NADSYN1: variants seen among roughly 807,000 people sequenced by gnomAD.
NADSYN1 encodes glutamine-dependent NAD(+) synthetase.
Under a neutral mutation model 99.3 loss-of-function variants are expected in NADSYN1, and 80 were observed. The observed-to-expected ratio is 0.81, with a 90% CI of 0.67 to 0.97. The LOEUF is 0.97. NADSYN1 is among the 50% of genes least tolerant of loss of function. NADSYN1 has a pLI of 0.00. For synonymous variants in NADSYN1, 385 were observed against 372.1 expected (o/e 1.03, Z -0.40); for missense variants, 859 against 948.5 (o/e 0.91, Z 1.24).
In NADSYN1 at chr11:71,457,216, C is replaced by T. The variant is rs558707676; in HGVS notation, c.147-1212C>T. 9.1e-4 allele frequency among the ~76,000 whole-genome samples: 139 copies of T among 152,394 alleles called. 1 individual carries two copies. Among genetic ancestry groups the T allele is most frequent in the African/African-American group, 3.2e-3 (135 of 41,598 alleles). On this transcript the variant is annotated intron_variant, in intron 2 of 20. Coordinates refer to ENST00000319023, the MANE Select transcript of NADSYN1 (RefSeq NM_018161.5). ...AACGGATCCGTTGGAGGAGAAAGGA[C>T]ATCTCAGAACTCCATTCCCTACTGG...
chr11:71,453,654 C>T (rs1182585109), intron 1 of NADSYN1, among the ~76,000 whole-genome samples: 1 of 152,156 alleles, frequency 6.6e-6, no homozygotes, highest in African/African-American at 2.4e-5. Context: ...GGGATGGACC[C>T]GTGTTCTGAT....
At chr11:71,453,443 A>C in intron 1 of NADSYN1, 62 bp downstream of exon 1, 1 of 1,469,038 alleles carries the variant, frequency 6.8e-7, no homozygotes, top group East Asian at 2.4e-5. Context: ...GGCTGGGCCC[A>C]GGCTTGCCCG....
intron 9 of NADSYN1, chr11:71,474,816 A>G (rs1268542095): frequency 4.9e-6 from 2 of 405,088 alleles, no homozygotes; most frequent in Non-Finnish European, 9.4e-6. Flanking sequence ...CCTCAAATTT[A>G]CCTGGTTGGT....
chr11:71,467,462 C>T (rs1046710557), intron 5 of NADSYN1, among the ~76,000 whole-genome samples: 4 of 152,138 alleles, frequency 2.6e-5, no homozygotes, highest in Admixed American at 6.5e-5. Context: ...ATACAGTAGA[C>T]GCAGATGTGA....
At chr11:71,470,504 CAT>C (rs1211091326) in intron 5 of NADSYN1, among the ~76,000 whole-genome samples, 1 of 152,198 alleles carries the variant, frequency 6.6e-6, no homozygotes, top group Admixed American at 6.5e-5. Flanking sequence ...TTTAATTACA[CAT>C]GTGTGCCTTG....
chr11:71,495,943 C>T (rs1949815892), intron 18 of NADSYN1, among the ~76,000 whole-genome samples: 1 of 152,186 alleles, frequency 6.6e-6, no homozygotes, highest in African/African-American at 2.4e-5. Context: ...AAAATCGGCT[C>T]CTCTGAGCCT....
chr11:71,501,593 G>T lies in NADSYN1; in HGVS notation c.*241G>T. 3.8e-6 allele frequency: 2 copies of T among 526,558 alleles called. No individual in the cohort carries two copies. The highest frequency in any genetic ancestry group is 6.4e-5 in the East Asian group (2 of 31,166). The allele number at this position is 526,558 out of a possible 1,614,324, so 32.6% of individuals were successfully genotyped here. A position where few individuals can be genotyped will look rare whatever the true frequency, so the allele number is the denominator to read the frequency against. ...ACCTCCCGCCAGCGTGCGCTTCCCC[G>T]CGAAGTCTGGCATTCTCCGAAGGAA... On this transcript the variant is annotated 3_prime_UTR_variant, in exon 21 of 21. Transcript: ENST00000319023.
In NADSYN1 at chr11:71,478,016, G is replaced by A. The variant is rs535892479; in HGVS notation, c.799-379G>A. ...CTGGCAGAGGCTTACTGACACTGGG[G>A]TGTCTTACTGACAGGGGTGTGTCTT... On this transcript the variant is annotated intron_variant, in intron 9 of 20. Coordinates refer to ENST00000319023, the MANE Select transcript of NADSYN1 (RefSeq NM_018161.5). Among the ~76,000 whole-genome samples the A allele has an allele frequency of 2.6e-5, 4 of 152,052 alleles. No homozygotes were observed. The South Asian group carries it at 6.2e-4, about 24-fold the overall frequency.
At chr11:71,455,423 G>A (rs1949506867) in intron 2 of NADSYN1, 7 of 470,380 alleles carry the variant, frequency 1.5e-5, no homozygotes, top group Non-Finnish European at 2.6e-5. Context: ...TTCAAAGTTG[G>A]GCTGCTTCTG....
Position 71,472,315 on chromosome 11 carries a change from G to T in NADSYN1, c.408-134G>T, listed in dbSNP as rs553930131. 7.9e-6 allele frequency: 6 copies of T among 760,208 alleles called. No homozygotes were observed. In the East Asian group the frequency reaches 9.9e-5, roughly 13 times the overall value. The allele number at this position is 760,208 out of a possible 1,614,324, so 47.1% of individuals were successfully genotyped here. On this transcript the variant is annotated intron_variant, in intron 5 of 20. Coordinates refer to ENST00000319023, the MANE Select transcript of NADSYN1 (RefSeq NM_018161.5). ...CTGAATGCGATTGTTTATTGCATTG[G>T]GGGGAACGCTTGGCAGTTCCTTTGC...
chr11:71,481,320 A>T lies in NADSYN1; in HGVS notation c.999-36A>T, dbSNP rs59487812. ...TTGTTGGGTGCTGTGGGCAGGGGCC[A>T]CCGCCTCCGGGCTCCATGTTCTGAT... is the stretch of plus-strand genomic sequence containing the variant. On this transcript the variant is annotated intron_variant, in intron 11 of 20. Coordinates refer to ENST00000319023, the MANE Select transcript of NADSYN1 (RefSeq NM_018161.5). 5.0e-6 allele frequency: 8 copies of T among 1,611,796 alleles called. No individual in the cohort carries two copies. In the African/African-American group the frequency reaches 5.3e-5, roughly 11 times the overall value.
At chr11:71,456,774 A>G (rs1792316) in intron 2 of NADSYN1, among the ~76,000 whole-genome samples, 1 of 152,168 alleles carries the variant, frequency 6.6e-6, no homozygotes, top group Non-Finnish European at 1.5e-5. Context: ...CAGGTCTCCA[A>G]GTAGCTTACA....
At position 71,477,171 on chromosome 11, in the gene NADSYN1, A is replaced by T. The variant is rs560592895; in HGVS notation, c.799-1224A>T. On this transcript the variant is annotated intron_variant, in intron 9 of 20. Coordinates refer to ENST00000319023, the MANE Select transcript of NADSYN1 (RefSeq NM_018161.5). Reference sequence around the variant, plus strand: ...GCCCGCGTTTCTCAGGGTCTTCCTAATCCCCTGGGCTTTCCGGCTTGTCGT... The same window carrying T: ...GCCCGCGTTTCTCAGGGTCTTCCTATTCCCCTGGGCTTTCCGGCTTGTCGT... The T allele has an allele frequency of 2.0e-4, 233 of 1,162,934 alleles. No individual in the cohort carries two copies. In the South Asian group the frequency reaches 3.7e-3, roughly 18 times the overall value. 72.0% of individuals were successfully genotyped at this position (1,162,934 alleles called of 1,614,324 possible). A position where few individuals can be genotyped will look rare whatever the true frequency, so the allele number is the denominator to read the frequency against.
At chr11:71,488,014 C>T (rs916570540) in intron 16 of NADSYN1, among the ~76,000 whole-genome samples, 7 of 152,104 alleles carry the variant, frequency 4.6e-5, no homozygotes, top group African/African-American at 1.4e-4. Context: ...CTTCTTCTCA[C>T]GGGTCACAGC....
chr11:71,480,964 G>A (rs1949703112), intron 11 of NADSYN1, 85 bp downstream of exon 11: 2 of 1,564,458 alleles, frequency 1.3e-6, no homozygotes, highest in South Asian at 2.3e-5. Context: ...TCACGCAGTG[G>A]GTTTTCAGAA....
At position 71,482,914 on chromosome 11, in the gene NADSYN1, C is replaced by G. The variant is rs372454516; in HGVS notation, c.1216C>G (p.Arg406Gly). The stretch of plus-strand genomic sequence containing the variant: ...GATCAGCTACACCCCCCAGGATCCC[C>G]GAGACCTCTGTGGACGCATACTGAC... ...NQISYTPQDP[R>G]DLCGRILTTC... The change falls in exon 14 of 21, where the codon CGA becomes GGA. Residue 406 changes from arginine (R) to glycine (G), a missense_variant. By Grantham distance (125) the Arg-to-Gly change is moderately radical. Transcript: ENST00000319023. 30 of 1,613,144 alleles carry G rather than the reference C, an allele frequency of 1.9e-5. No individual in the cohort carries two copies. The highest frequency in any genetic ancestry group is 3.4e-6 in the Non-Finnish European group (4 of 1,179,654).
chr11:71,477,118 C>T (rs1471570000), intron 9 of NADSYN1: 27 of 1,131,916 alleles, frequency 2.4e-5, no homozygotes, highest in South Asian at 3.8e-5. Context: ...CCTGCTCAAG[C>T]AACAGACCTG....
chr11:71,481,506 A>G (rs997539568), intron 12 of NADSYN1, 102 bp downstream of exon 12: 1 of 1,154,046 alleles, frequency 8.7e-7, no homozygotes, highest in Non-Finnish European at 1.3e-6. Context: ...TTTTTAGTGC[A>G]AACAACAAAA....
At chr11:71,466,378 C>A (rs1352903219) in intron 5 of NADSYN1, among the ~76,000 whole-genome samples, 1 of 152,188 alleles carries the variant, frequency 6.6e-6, no homozygotes, top group African/African-American at 2.4e-5. Context: ...GCCTAGTGTT[C>A]TGGTGCCCAG....
Sources: gnomAD v4.1 joint callset for allele counts (sites outside exome capture counted in the v4.1 genomes callset) on GRCh38, gnomAD v4.1.1 for gene constraint, MANE v1.5 for transcripts, NCBI Gene and HGNC (gene_info 2026-07-23, HGNC 2026-07-21) for gene names.